MYZAP: variants seen among roughly 807,000 people sequenced by gnomAD.
The protein encoded by MYZAP is myocardial zonula adherens protein, also known as GRINL1A complex locus upstream.
In MYZAP, 66 loss-of-function variants were observed where a neutral mutation model predicts 69.4. The ratio of observed to expected loss-of-function variants is 0.95; its 90% CI spans 0.78 to 1.17. MYZAP has a LOEUF of 1.17. Among genes scored for constraint, MYZAP ranks in the 50% most tolerant of loss-of-function variants. The pLI is 0.00. For synonymous variants in MYZAP, 256 were observed against 205.9 expected (o/e 1.24, Z -2.09); for missense variants, 611 against 556.2 (o/e 1.10, Z -0.99).
Position 57,629,790 on chromosome 15 carries a change from A to C in MYZAP, c.614A>C (p.Lys205Thr), listed in dbSNP as rs753520646. Residue 205 changes from lysine to threonine, a missense_variant, in exon 6 of 13, where the codon AAG becomes ACG. Transcript: ENST00000267853. Reference sequence around the variant, plus strand: ...CAGACGTATGAAGCATCCATGGACAAGCTGAGGGAAAAGCAGAGGCAGTTG... The same window carrying C: ...CAGACGTATGAAGCATCCATGGACACGCTGAGGGAAAAGCAGAGGCAGTTG... ...LQQTYEASMD[K>T]LREKQRQLEV... is the part of the protein sequence containing the mutation. 1 of 1,614,098 alleles carries C rather than the reference A, an allele frequency of 6.2e-7. No individual in the cohort carries two copies. Among genetic ancestry groups the C allele is most frequent in the South Asian group, 1.1e-5 (1 of 91,066 alleles).
intron 10 of MYZAP, among the ~76,000 whole-genome samples, chr15:57,659,310 G>A (rs575745997): frequency 6.6e-6 from 1 of 151,992 alleles, no homozygotes; most frequent in Non-Finnish European, 1.5e-5. Flanking sequence ...TTTTAGTGGG[G>A]AATGCTATTT....
At chr15:57,648,259 C>T (rs774277707) in intron 10 of MYZAP, 33 of 984,972 alleles carry the variant, frequency 3.4e-5, no homozygotes, top group East Asian at 1.1e-4. Flanking sequence ...GTATTGGTTT[C>T]GGTATTCACA....
At chr15:57,645,844 A>G (rs1270062783) in intron 10 of MYZAP, among the ~76,000 whole-genome samples, 3 of 152,248 alleles carry the variant, frequency 2.0e-5, no homozygotes, top group South Asian at 4.2e-4. Flanking sequence ...TTAGCCATCA[A>G]TCTCTTCACA....
intron 12 of MYZAP, among the ~76,000 whole-genome samples, chr15:57,682,098 T>A (rs1449111730): frequency 6.6e-6 from 1 of 152,150 alleles, no homozygotes; most frequent in Non-Finnish European, 1.5e-5. Context: ...TAATTTCCCA[T>A]GTCAGTTTAA....
intron 1 of MYZAP, among the ~76,000 whole-genome samples, chr15:57,598,602 G>A (rs2034215532): frequency 6.6e-6 from 1 of 152,092 alleles, no homozygotes; most frequent in South Asian, 2.1e-4. Flanking sequence ...ATGACCAGTT[G>A]GATTATTGAA....
intron 2 of MYZAP, among the ~76,000 whole-genome samples, chr15:57,612,857 G>A (rs546316125): frequency 1.3e-5 from 2 of 152,280 alleles, no homozygotes; most frequent in African/African-American, 4.8e-5. Flanking sequence ...TATGTGTTGG[G>A]AGTATGGAAT....
intron 3 of MYZAP, among the ~76,000 whole-genome samples, chr15:57,618,766 T>G (rs755324774): frequency 9.9e-5 from 15 of 152,278 alleles, no homozygotes; most frequent in Non-Finnish European, 2.2e-4. Context: ...ATTGTTAACA[T>G]TTTGGAGTAT....
At chr15:57,655,860 C>G (rs2037986959) in intron 10 of MYZAP, among the ~76,000 whole-genome samples, 1 of 152,166 alleles carries the variant, frequency 6.6e-6, no homozygotes, top group African/African-American at 2.4e-5. Context: ...TATAAGGAGG[C>G]CTACTGTTTT....
At chr15:57,677,346 C>A (rs2039193252) in intron 12 of MYZAP, among the ~76,000 whole-genome samples, 1 of 152,178 alleles carries the variant, frequency 6.6e-6, no homozygotes, top group African/African-American at 2.4e-5. Flanking sequence ...AATTGGAACT[C>A]CCGGTCTAGT....
rs2039598663 is a variant in MYZAP, at chr15:57,684,507, A to G, written c.*9A>G. 1 of 1,561,012 alleles carries G rather than the reference A, an allele frequency of 6.4e-7. No homozygotes were observed. The highest frequency in any genetic ancestry group is 8.8e-7 in the Non-Finnish European group (1 of 1,137,876). ...AGAAAACTCTGACTTAGGCACTCAG[A>G]GGCATACACTTTTTACAGATGGACA... On this transcript the variant is annotated 3_prime_UTR_variant, in exon 13 of 13. Transcript: ENST00000267853.
chr15:57,616,405 C>T (rs1015287111), intron 2 of MYZAP, among the ~76,000 whole-genome samples: 15 of 152,054 alleles, frequency 9.9e-5, no homozygotes, highest in African/African-American at 1.4e-4. Context: ...TTTGGGGGGC[C>T]GAGGTGGGCG....
intron 6 of MYZAP, among the ~76,000 whole-genome samples, chr15:57,630,497 G>T (rs2733592): frequency 0.04 from 6,053 of 152,226 alleles, 439 homozygotes; most frequent in African/African-American, 0.14. Context: ...ATAAAGAGCT[G>T]AGGGGCACAC....
At chr15:57,611,666 T>G (rs1375167517) in intron 2 of MYZAP, among the ~76,000 whole-genome samples, 8 of 152,108 alleles carry the variant, frequency 5.3e-5, no homozygotes, top group African/African-American at 1.4e-4. Context: ...AAAATGATCT[T>G]TTCTCCTGAG....
At chr15:57,602,565 T>G (rs1024253642) in intron 1 of MYZAP, among the ~76,000 whole-genome samples, 2 of 152,200 alleles carry the variant, frequency 1.3e-5, no homozygotes, top group Admixed American at 1.3e-4. Flanking sequence ...AGGAAGGCGG[T>G]CAGGACTTCA....
Position 57,591,979 on chromosome 15 carries a change from T to C in MYZAP, c.-56T>C. On this transcript the variant is annotated 5_prime_UTR_variant, in exon 1 of 13. Transcript: ENST00000267853. ...CCCGCGCAGGGCGGGCCCCGCACGC[T>C]TATTCTGCCCGGGAGGAACGCCGGC... The C allele has an allele frequency of 2.9e-6, 4 of 1,376,170 alleles. No individual in the cohort carries two copies. The highest frequency in any genetic ancestry group is 3.7e-6 in the Non-Finnish European group (4 of 1,066,920). The allele number at this position is 1,376,170 out of a possible 1,614,324, so 85.2% of individuals were successfully genotyped here. A position where few individuals can be genotyped will look rare whatever the true frequency, so the allele number is the denominator to read the frequency against.
chr15:57,643,887 A>G (rs1428642722), intron 10 of MYZAP, among the ~76,000 whole-genome samples: 1 of 152,184 alleles, frequency 6.6e-6, no homozygotes, highest in Non-Finnish European at 1.5e-5. Flanking sequence ...TTTCATTTGC[A>G]GAGGAGGCAT....
intron 10 of MYZAP, 60 bp downstream of exon 10, chr15:57,639,605 C>T: frequency 6.4e-7 from 1 of 1,558,892 alleles, no homozygotes; most frequent in Non-Finnish European, 8.7e-7. Flanking sequence ...GAAGCATCCC[C>T]AGAACAAGTC....
intron 2 of MYZAP, among the ~76,000 whole-genome samples, chr15:57,607,286 G>A (rs1034441484): frequency 6.6e-6 from 1 of 152,090 alleles, no homozygotes; most frequent in African/African-American, 2.4e-5. Context: ...CCAAAACTGG[G>A]GTGGTAGGGG....
rs1181156344 is a variant in MYZAP at position 57,623,768 on chromosome 15, G to A, written c.412-2011G>A. Reference sequence around the variant, plus strand: ...AATAAGGGAAAGTAAGATAAACGATGTATCTCTACAATAGAATATATGCAG... The same window carrying A: ...AATAAGGGAAAGTAAGATAAACGATATATCTCTACAATAGAATATATGCAG... On this transcript the variant is annotated intron_variant, in intron 4 of 12. Transcript: ENST00000267853. Among the ~76,000 whole-genome samples the A allele has an allele frequency of 2.7e-5, 4 of 148,818 alleles. No individual in the cohort carries two copies. In the East Asian group the frequency reaches 7.8e-4, roughly 29 times the overall value.
Sources: allele counts gnomAD v4.1 joint callset (sites outside exome capture counted in the v4.1 genomes callset), GRCh38; gene constraint gnomAD v4.1.1; transcripts MANE v1.5; gene names NCBI Gene and HGNC (gene_info 2026-07-23, HGNC 2026-07-21).